The following KCNH8 variants were observed in gnomAD, a reference collection of about 807,000 sequenced individuals.
KCNH8 encodes the protein voltage-gated delayed rectifier potassium channel KCNH8.
A neutral mutation model predicts 103.6 loss-of-function variants in KCNH8; 70 were observed. That is an observed-to-expected ratio of 0.68 (90% CI 0.56 to 0.82). KCNH8 has a LOEUF of 0.82. KCNH8 is among the 40% of genes least tolerant of loss of function. KCNH8 has a pLI of 0.00. For missense variants in KCNH8, 1,217 were observed against 1,329.9 expected (o/e 0.92, Z 1.32); for synonymous variants, 498 against 489.4 (o/e 1.02, Z -0.23).
At chr3:19,200,471 A>AT (rs770761616) in intron 1 of KCNH8, among the ~76,000 whole-genome samples, 89 of 151,746 alleles carry the variant, frequency 5.9e-4, no homozygotes, top group Non-Finnish European at 1.1e-3. Flanking sequence ...CCCAACCAAA[A>AT]TTGTGAAGCT....
In KCNH8 at chr3:19,388,331, G is replaced by A. The variant is rs559947669; in HGVS notation, c.812-2150G>A. The stretch of plus-strand genomic sequence containing the variant: ...ATTGAAATCTTTGCTTTATTTCAAA[G>A]TGGGTGGTCTGAGGTACTAAATTGC... On this transcript the variant is annotated intron_variant, in intron 5 of 15. Transcript: ENST00000328405. Among the ~76,000 whole-genome samples the A allele has an allele frequency of 1.4e-3, 206 of 152,212 alleles. 1 individual carries two copies. Among genetic ancestry groups the A allele is most frequent in the African/African-American group, 4.6e-3 (192 of 41,552 alleles).
intron 1 of KCNH8, among the ~76,000 whole-genome samples, chr3:19,252,389 CT>C (rs200479945): frequency 3.4e-4 from 44 of 127,688 alleles, no homozygotes; most frequent in East Asian, 5.9e-4. Context: ...GAATAGCACT[CT>C]TTTTTTTTTT....
chr3:19,328,198 C>A (rs2065457907), intron 3 of KCNH8, among the ~76,000 whole-genome samples: 1 of 152,098 alleles, frequency 6.6e-6, no homozygotes, highest in African/African-American at 2.4e-5. Context: ...ATGCTGGATG[C>A]CTTATTCTTT....
intron 15 of KCNH8, among the ~76,000 whole-genome samples, chr3:19,520,580 A>C (rs897375333): frequency 6.6e-6 from 1 of 151,988 alleles, no homozygotes; most frequent in Non-Finnish European, 1.5e-5. Context: ...TAAAAGTCCA[A>C]GCCTAATTTT....
In KCNH8 at chr3:19,399,868, G is replaced by C. The variant is rs367651124; in HGVS notation, c.1177+4557G>C. Among the ~76,000 whole-genome samples the C allele has an allele frequency of 1.6e-4, 24 of 151,958 alleles. No individual in the cohort carries two copies. The East Asian group carries it at 3.7e-3, about 23-fold the overall frequency. On this transcript the variant is annotated intron_variant, in intron 7 of 15. Transcript: ENST00000328405. Reference sequence around the variant, plus strand: ...AAAACAAAAAAGGAATTCATTAGCAGGATGTGTAGACTCAGAATTAGAAGG... The same window carrying C: ...AAAACAAAAAAGGAATTCATTAGCACGATGTGTAGACTCAGAATTAGAAGG...
intron 11 of KCNH8, among the ~76,000 whole-genome samples, chr3:19,468,307 T>C (rs978743592): frequency 2.0e-5 from 3 of 152,202 alleles, no homozygotes; most frequent in African/African-American, 7.2e-5. Flanking sequence ...ATAAGTTTAC[T>C]TTGGTGCCTG....
intron 1 of KCNH8, among the ~76,000 whole-genome samples, chr3:19,213,858 T>C (rs1575441612): frequency 6.6e-6 from 1 of 152,318 alleles, no homozygotes; most frequent in East Asian, 1.9e-4. Flanking sequence ...GGACATCTAG[T>C]GAAGTCTACT....
At chr3:19,252,718 T>C (rs755549656) in intron 1 of KCNH8, among the ~76,000 whole-genome samples, 16 of 152,158 alleles carry the variant, frequency 1.1e-4, no homozygotes, top group Non-Finnish European at 2.4e-4. Flanking sequence ...AATTTTTTAT[T>C]GAGTAGTTGT....
At chr3:19,497,132 CTT>C (rs1356519306) in intron 11 of KCNH8, among the ~76,000 whole-genome samples, 1 of 151,988 alleles carries the variant, frequency 6.6e-6, no homozygotes, top group East Asian at 1.9e-4. Context: ...TTATTTGGCT[CTT>C]CTCTCTTCTT....
intron 11 of KCNH8, among the ~76,000 whole-genome samples, chr3:19,494,684 G>T (rs964659333): frequency 6.6e-6 from 1 of 152,114 alleles, no homozygotes; most frequent in African/African-American, 2.4e-5. Context: ...TGTCTTTATG[G>T]TAAAATAATG....
chr3:19,195,967 A>G (rs2125213679), intron 1 of KCNH8, among the ~76,000 whole-genome samples: 1 of 152,124 alleles, frequency 6.6e-6, no homozygotes, highest in Admixed American at 6.6e-5. Flanking sequence ...CTGTAAATCT[A>G]ATATCTGTCT....
intron 7 of KCNH8, among the ~76,000 whole-genome samples, chr3:19,423,822 G>A (rs1043102545): frequency 3.3e-5 from 5 of 152,058 alleles, no homozygotes; most frequent in African/African-American, 4.8e-5. Context: ...TGGATCAAAT[G>A]GTAGTTCTAC....
intron 3 of KCNH8, among the ~76,000 whole-genome samples, chr3:19,332,412 A>G (rs1183551268): frequency 6.6e-6 from 1 of 152,150 alleles, no homozygotes; most frequent in Non-Finnish European, 1.5e-5. Context: ...GTTGCTGCCT[A>G]CATCCATTGT....
At chr3:19,367,398 A>C (rs1050167532) in intron 5 of KCNH8, among the ~76,000 whole-genome samples, 13 of 146,860 alleles carry the variant, frequency 8.9e-5, no homozygotes, top group African/African-American at 3.2e-4. Context: ...CTCTCTCTAT[A>C]TATATATTTA....
rs1031304701 is a variant in KCNH8, at chr3:19,451,205, G to A, written c.1626G>A (p.Leu542=). Residue 542 remains leucine, a synonymous_variant, in exon 10 of 16, where the codon TTG becomes TTA. Coordinates refer to ENST00000328405, the MANE Select transcript of KCNH8 (RefSeq NM_144633.3). ...DELRSDITMH[L]NKEILQLSLF... ...TGCGTTCTGACATCACTATGCACTT[G>A]AACAAGGAGATCTTACAGTTGTCCC... The A allele has an allele frequency of 3.1e-6, 5 of 1,613,788 alleles. No homozygotes were observed. Among genetic ancestry groups the A allele is most frequent in the Non-Finnish European group, 3.4e-6 (4 of 1,179,734 alleles).
intron 13 of KCNH8, among the ~76,000 whole-genome samples, chr3:19,514,166 TAAGTATTGAAAGGTGGATTCA>T (rs1396430093): frequency 6.6e-6 from 1 of 152,082 alleles, no homozygotes; most frequent in Non-Finnish European, 1.5e-5. Context: ...TCAGAGATAT[TAAGTATTGAAAGGTGGATTCA>T]AAGTTTGTTT....
At chr3:19,282,857 A>G (rs1308746121) in intron 3 of KCNH8, among the ~76,000 whole-genome samples, 1 of 152,184 alleles carries the variant, frequency 6.6e-6, no homozygotes, top group Non-Finnish European at 1.5e-5. Context: ...AAATGAGTAG[A>G]TTGGAGACCA....
chr3:19,188,206 T>C (rs1466516541), intron 1 of KCNH8, among the ~76,000 whole-genome samples: 1 of 152,136 alleles, frequency 6.6e-6, no homozygotes, highest in Admixed American at 6.6e-5. Flanking sequence ...TTTAGTGGGC[T>C]TTAGATGATG....
At chr3:19,222,724 C>G (rs149293138) in intron 1 of KCNH8, among the ~76,000 whole-genome samples, 139 of 151,764 alleles carry the variant, frequency 9.2e-4, no homozygotes, top group Non-Finnish European at 1.2e-3. Flanking sequence ...AGTTGTAGAG[C>G]CTTTGAAATC....
Sources: allele counts gnomAD v4.1 joint callset (sites outside exome capture counted in the v4.1 genomes callset), GRCh38; gene constraint gnomAD v4.1.1; transcripts MANE v1.5; gene names NCBI Gene and HGNC (gene_info 2026-07-23, HGNC 2026-07-21).